The following ZBTB32 variants were observed in gnomAD, a reference collection of about 807,000 sequenced individuals.
ZBTB32 encodes the protein zinc finger and BTB domain-containing protein 32.
In ZBTB32, 28 loss-of-function variants were observed where a neutral mutation model predicts 45.3. The ratio of observed to expected loss-of-function variants is 0.62; its 90% CI spans 0.46 to 0.85. The LOEUF (loss-of-function observed/expected upper bound fraction) is 0.85. Ranked by LOEUF, ZBTB32 falls within the 40% of genes least tolerant of loss-of-function variation. The pLI, the probability that ZBTB32 is intolerant of heterozygous loss-of-function variation, is 0.00. For missense variants in ZBTB32, 587 were observed against 624.4 expected, an observed-to-expected ratio of 0.94 and a Z score of 0.64; for synonymous variants, 283 against 255.7, an observed-to-expected ratio of 1.11 and a Z score of -1.02.
rs901216836 is a variant in ZBTB32 at position 35,716,948 on chromosome 19, G to A, written c.*196G>A. 4.8e-6 allele frequency: 3 copies of A among 620,454 alleles called. No individual in the cohort carries two copies. The highest frequency in any genetic ancestry group is 8.4e-6 in the Non-Finnish European group (3 of 355,442). The allele number at this position is 620,454 out of a possible 1,614,324, so 38.4% of individuals were successfully genotyped here. A position where few individuals can be genotyped will look rare whatever the true frequency, so the allele number is the denominator to read the frequency against. ...CAGGCCAGCGAGCCCTACAGAGTGAGGACACTGAAGTGTGCAGGAGCGAAG... is the reference window on the plus strand; with the variant it reads ...CAGGCCAGCGAGCCCTACAGAGTGAAGACACTGAAGTGTGCAGGAGCGAAG... On this transcript the variant is annotated 3_prime_UTR_variant, in exon 7 of 7. Coordinates refer to ENST00000392197, the MANE Select transcript of ZBTB32 (RefSeq NM_014383.3).
rs554145235 is a variant in ZBTB32, at chr19:35,704,634, T to C, written c.-222+11T>C. ...ACAGGGTCTGGGCCGGTGAGTGCCA[T>C]AGTTTTTCTTACTTTACTTTCTTGG... is the stretch of plus-strand genomic sequence containing the variant. On this transcript the variant is annotated intron_variant, in intron 1 of 6. Transcript: ENST00000392197. 7 of 152,470 alleles carry C rather than the reference T, an allele frequency of 4.6e-5. No individual in the cohort carries two copies. The highest frequency in any genetic ancestry group is 1.9e-4 in the East Asian group (1 of 5,188). The allele number at this position is 152,470 out of a possible 1,614,324, so 9.4% of individuals were successfully genotyped here.
At position 35,714,657 on chromosome 19, in the gene ZBTB32, C is replaced by T. The variant is rs755403437; in HGVS notation, c.31C>T (p.Pro11Ser). 2.5e-6 allele frequency: 4 copies of T among 1,579,944 alleles called. No homozygotes were observed. Among genetic ancestry groups the T allele is most frequent in the Non-Finnish European group, 3.5e-6 (4 of 1,159,346 alleles). The change falls in exon 3 of 7, where the codon CCC (proline) becomes TCC (serine). Residue 11 changes from proline to serine, a missense_variant. By Grantham distance (74) the Pro-to-Ser change is moderately conservative. Coordinates refer to ENST00000392197, the MANE Select transcript of ZBTB32 (RefSeq NM_014383.3). Reference protein sequence around the residue: MSLPPIRLPSPYGSDRLVQLA... With the variant: MSLPPIRLPSSYGSDRLVQLA... ...CCTGCCCCCCATAAGACTGCCCAGC[C>T]CCTATGGCTCTGATCGGCTGGTACA...
rs139735412 is a variant in ZBTB32 at position 35,709,524 on chromosome 19, G to A, written c.-221-3393G>A. Among the ~76,000 whole-genome samples the A allele has an allele frequency of 7.5e-3, 1,148 of 152,182 alleles. 6 individuals carry two copies. Among genetic ancestry groups the A allele is most frequent in the Non-Finnish European group, 0.011 (777 of 68,008 alleles). Reference sequence around the variant, plus strand: ...TGACTTTGCAGCCAGGGTGTGCCCCGAGCCCCTTGCACATTTTTCCCTTAG... The same window carrying A: ...TGACTTTGCAGCCAGGGTGTGCCCCAAGCCCCTTGCACATTTTTCCCTTAG... On this transcript the variant is annotated intron_variant, in intron 1 of 6. Coordinates refer to ENST00000392197, the MANE Select transcript of ZBTB32 (RefSeq NM_014383.3).
chr19:35,716,644 C>T lies in ZBTB32; in HGVS notation c.1356C>T (p.Pro452=). ...AGGCGCACATGCGCGGTCACTCGCC[C>T]AGCCAACTCCCGCCCGGATGGACCA... ...SMQAHMRGHS[P]SQLPPGWTIR... The change falls in exon 7 of 7, where the codon CCC becomes CCT. Residue 452 remains proline (P), a synonymous_variant. Transcript: ENST00000392197. The T allele has an allele frequency of 6.2e-7, 1 of 1,613,856 alleles. No homozygotes were observed. The highest frequency in any genetic ancestry group is 8.5e-7 in the Non-Finnish European group (1 of 1,179,962).
At chr19:35,715,588 A>C (rs1968851094) in intron 3 of ZBTB32, 81 bp downstream of exon 3, 1 of 1,487,822 alleles carries the variant, frequency 6.7e-7, no homozygotes, top group Non-Finnish European at 9.0e-7. Flanking sequence ...GTGGAAGGGC[A>C]CTGCATCTCT....
chr19:35,707,351 A>G (rs1014885447), intron 1 of ZBTB32, among the ~76,000 whole-genome samples: 2 of 150,430 alleles, frequency 1.3e-5, no homozygotes, highest in Non-Finnish European at 3.0e-5. Flanking sequence ...GCCAAGTGGT[A>G]TAAGTGTCTA....
In ZBTB32 at chr19:35,714,820, G is replaced by T; in HGVS notation, c.194G>T (p.Gly65Val). ...GRRGQWALGE[G>V]ISPSTFAQLL... Reference sequence around the variant, plus strand: ...AGGGGCCAGTGGGCTCTGGGAGAAGGCATCAGCCCTTCTACCTTTGCCCAG... The same window carrying T: ...AGGGGCCAGTGGGCTCTGGGAGAAGTCATCAGCCCTTCTACCTTTGCCCAG... Residue 65 changes from glycine (G) to valine (V), a missense_variant, in exon 3 of 7, where the codon GGC becomes GTC. Physicochemically the swap from Gly to Val is moderately radical, Grantham distance 109. Coordinates refer to ENST00000392197, the MANE Select transcript of ZBTB32 (RefSeq NM_014383.3). The T allele has an allele frequency of 6.2e-7, 1 of 1,613,724 alleles. No individual in the cohort carries two copies. Among genetic ancestry groups the T allele is most frequent in the Non-Finnish European group, 8.5e-7 (1 of 1,179,812 alleles).
At chr19:35,714,403 C>G in intron 2 of ZBTB32, 120 bp from the exon 3 acceptor site, 1 of 434,784 alleles carries the variant, frequency 2.3e-6, no homozygotes, top group South Asian at 8.8e-5. Context: ...GCCACCATGC[C>G]TACCTGCTAT....
chr19:35,715,884 G>A lies in ZBTB32; in HGVS notation c.955+54G>A, dbSNP rs774657998. 9.3e-6 allele frequency: 15 copies of A among 1,608,806 alleles called. No individual in the cohort carries two copies. The Admixed American group carries it at 1.9e-4, about 20-fold the overall frequency. Reference sequence around the variant, plus strand: ...TGTAACATGGTGTCTTCTCTGGGCTGGGGCTCGAGGAGTCCAGCCTGAGCA... The same window carrying A: ...TGTAACATGGTGTCTTCTCTGGGCTAGGGCTCGAGGAGTCCAGCCTGAGCA... On this transcript the variant is annotated intron_variant, in intron 4 of 6. Coordinates refer to ENST00000392197, the MANE Select transcript of ZBTB32 (RefSeq NM_014383.3).
Position 35,715,142 on chromosome 19 carries a change from A to AG in ZBTB32, c.518dup (p.Arg174GlnfsTer50). ...TGTTGCACAAGCACTCGCCACCAAG[A>AG]GGCAGACCCGAGATGGCAGGAGCAA... On this transcript the variant is annotated frameshift_variant, in exon 3 of 7. Coordinates refer to ENST00000392197, the MANE Select transcript of ZBTB32 (RefSeq NM_014383.3). LOFTEE classifies it high-confidence loss of function. 1 of 1,613,964 alleles carries AG rather than the reference A, an allele frequency of 6.2e-7. No homozygotes were observed. The highest frequency in any genetic ancestry group is 8.5e-7 in the Non-Finnish European group (1 of 1,179,986).
chr19:35,706,359 A>G (rs1382002117), intron 1 of ZBTB32, among the ~76,000 whole-genome samples: 4 of 152,014 alleles, frequency 2.6e-5, no homozygotes, highest in Non-Finnish European at 5.9e-5. Context: ...GGGCAGGTGC[A>G]TGGGGAGGAT....
Position 35,716,913 on chromosome 19 carries a change from C to T in ZBTB32, c.*161C>T, listed in dbSNP as rs754631680. On this transcript the variant is annotated 3_prime_UTR_variant, in exon 7 of 7. Coordinates refer to ENST00000392197, the MANE Select transcript of ZBTB32 (RefSeq NM_014383.3). ...TGCCCTCTCCTGGACGATCGCGGGTCGCAGAAGCCCAGGCCAGCGAGCCCT... is the reference window on the plus strand; with the variant it reads ...TGCCCTCTCCTGGACGATCGCGGGTTGCAGAAGCCCAGGCCAGCGAGCCCT... 2.5e-6 allele frequency: 2 copies of T among 794,848 alleles called. No individual in the cohort carries two copies. Among genetic ancestry groups the T allele is most frequent in the African/African-American group, 3.5e-5 (2 of 57,342 alleles). The allele number at this position is 794,848 out of a possible 1,614,324, so 49.2% of individuals were successfully genotyped here.
intron 1 of ZBTB32, among the ~76,000 whole-genome samples, 163 bp from the exon 2 acceptor site, chr19:35,712,754 C>T (rs560233422): frequency 6.6e-6 from 1 of 152,288 alleles, no homozygotes; most frequent in East Asian, 1.9e-4. Flanking sequence ...CCTTTCAGAG[C>T]TTGATGGGAG....
At position 35,716,525 on chromosome 19, in the gene ZBTB32, T is replaced by A; in HGVS notation, c.1237T>A (p.Phe413Ile). 6.2e-7 allele frequency: 1 copy of A among 1,611,872 alleles called. No individual in the cohort carries two copies. The highest frequency in any genetic ancestry group is 1.1e-5 in the South Asian group (1 of 90,986). Reference protein sequence around the residue: ...CSLCPQRSRDFSAMTKHLRTH... With the variant: ...CSLCPQRSRDISAMTKHLRTH... ...CCTTTGTCCTCAGCGCTCCCGGGAC[T>A]TCTCGGCCATGACCAAGCACCTGCG... The change falls in exon 7 of 7, where the codon TTC becomes ATC. Residue 413 changes from phenylalanine to isoleucine, a missense_variant. Phe to Ile is a conservative substitution (Grantham distance 21, BLOSUM62 0). Coordinates refer to ENST00000392197, the MANE Select transcript of ZBTB32 (RefSeq NM_014383.3).
At position 35,714,939 on chromosome 19, in the gene ZBTB32, C is replaced by G. The variant is rs1243859586; in HGVS notation, c.313C>G (p.Leu105Val). 10 of 1,583,920 alleles carry G rather than the reference C, an allele frequency of 6.3e-6. No individual in the cohort carries two copies. The highest frequency in any genetic ancestry group is 1.4e-5 in the African/African-American group (1 of 73,674). The stretch of plus-strand genomic sequence containing the variant: ...GGCCAGGGCCTTGGGAGTGCAGTCC[C>G]TGGAAGAGGCATGCTGGAGGGCTCG... ...EAARALGVQS[L>V]EEACWRARGD... The change falls in exon 3 of 7, where the codon CTG becomes GTG. Residue 105 changes from leucine to valine, a missense_variant. Physicochemically the swap from Leu to Val is conservative, Grantham distance 32. Transcript: ENST00000392197.
At chr19:35,711,308 G>C (rs977071857) in intron 1 of ZBTB32, among the ~76,000 whole-genome samples, 6 of 152,194 alleles carry the variant, frequency 3.9e-5, no homozygotes, top group African/African-American at 1.4e-4. Context: ...GAGGGACTCT[G>C]TATTTCTGTG....
chr19:35,705,953 G>T (rs1231541926), intron 1 of ZBTB32, among the ~76,000 whole-genome samples: 1 of 149,910 alleles, frequency 6.7e-6, no homozygotes, highest in Non-Finnish European at 1.5e-5. Context: ...GCAGGGCCAG[G>T]CGTGGGGGCT....
At position 35,715,026 on chromosome 19, in the gene ZBTB32, C is replaced by A. The variant is rs767597336; in HGVS notation, c.400C>A (p.Pro134Thr). The change falls in exon 3 of 7, where the codon CCC becomes ACC. Residue 134 changes from proline (P) to threonine (T), a missense_variant. By Grantham distance (38) the Pro-to-Thr change is conservative. Coordinates refer to ENST00000392197, the MANE Select transcript of ZBTB32 (RefSeq NM_014383.3). ...LKKHQEEPEKPSRNPERELGD... is the reference protein window; with the variant it reads ...LKKHQEEPEKTSRNPERELGD... ...GAAACATCAGGAGGAGCCAGAGAAA[C>A]CCTCAAGGAATCCTGAGAGAGAACT... is the stretch of plus-strand genomic sequence containing the variant. 1.8e-4 allele frequency: 289 copies of A among 1,612,378 alleles called. No homozygotes were observed. Among genetic ancestry groups the A allele is most frequent in the Middle Eastern group, 6.6e-4 (4 of 6,072 alleles).
chr19:35,707,611 G>A (rs569622424), intron 1 of ZBTB32, among the ~76,000 whole-genome samples: 17 of 151,934 alleles, frequency 1.1e-4, no homozygotes, highest in African/African-American at 3.9e-4. Flanking sequence ...CTTGTGATCC[G>A]CCCACCTCGG....
Sources: gnomAD v4.1 joint callset for allele counts (sites outside exome capture counted in the v4.1 genomes callset) on GRCh38, gnomAD v4.1.1 for gene constraint, MANE v1.5 for transcripts, NCBI Gene and HGNC (gene_info 2026-07-23, HGNC 2026-07-21) for gene names.